UBE2D3: variants seen among roughly 807,000 people sequenced by gnomAD.
The protein encoded by UBE2D3 is ubiquitin-conjugating enzyme E2 D3.
A neutral mutation model predicts 22.8 loss-of-function variants in UBE2D3; 2 were observed. That is an observed-to-expected ratio of 0.09 (90% confidence interval 0.04 to 0.28). The LOEUF is 0.28. Among genes scored for constraint, UBE2D3 ranks in the 10% least tolerant of loss-of-function variants. The pLI, the probability that UBE2D3 is intolerant of heterozygous loss-of-function variation, is 1.00. For synonymous variants in UBE2D3, 56 were observed against 60.4 expected (o/e 0.93, Z 0.34); for missense variants, 27 against 182.5 (o/e 0.15, Z 4.91).
chr4:102,867,952 ATG>A (rs1733231886), intron 1 of UBE2D3, among the ~76,000 whole-genome samples: 1 of 151,984 alleles, frequency 6.6e-6, no homozygotes, highest in Non-Finnish European at 1.5e-5. Context: ...TAGTGTATTT[ATG>A]TGTGGCCCAA....
At chr4:102,829,240 G>C (rs895304471), upstream of UBE2D3, among the ~76,000 whole-genome samples, 5 of 152,122 alleles carry the variant, frequency 3.3e-5, no homozygotes, top group African/African-American at 1.2e-4. Context: ...GATTTTTCTC[G>C]TCTGAACCAC....
chr4:102,856,244 T>C (rs1044944314), intron 1 of UBE2D3, among the ~76,000 whole-genome samples: 6 of 152,186 alleles, frequency 3.9e-5, no homozygotes, highest in African/African-American at 1.4e-4. Context: ...CGCAAGCCTG[T>C]GATCCCAGCT....
chr4:102,811,784 A>C, intron 2 of UBE2D3: 1 of 449,336 alleles, frequency 2.2e-6, no homozygotes, highest in Non-Finnish European at 4.4e-6. Context: ...AGAGAAGCAG[A>C]GGCGAGAGGA....
chr4:102,811,628 C>A, intron 2 of UBE2D3: 1 of 311,490 alleles, frequency 3.2e-6, no homozygotes, highest in Non-Finnish European at 6.2e-6. Context: ...CTGCAGATCG[C>A]GCCACTGCAC....
intron 1 of UBE2D3, chr4:102,837,027 G>A (rs1046463588): frequency 2.0e-5 from 3 of 152,208 alleles, no homozygotes; most frequent in Non-Finnish European, 4.4e-5. Flanking sequence ...ATAAATCTGA[G>A]TACTAGGTCA....
At chr4:102,840,705 G>A (rs223369) in intron 1 of UBE2D3, among the ~76,000 whole-genome samples, 49,448 of 152,086 alleles carry the variant, frequency 0.33, 9,360 homozygotes, top group African/African-American at 0.54. Flanking sequence ...GTATTTTAAA[G>A]TAGCTAGGAG....
chr4:102,800,910 A>G (rs1726052403), intron 6 of UBE2D3, among the ~76,000 whole-genome samples: 1 of 152,054 alleles, frequency 6.6e-6, no homozygotes, highest in Admixed American at 6.6e-5. Context: ...AACGTAACAG[A>G]TACCTATTAA....
intron 1 of UBE2D3, chr4:102,868,677 G>C: frequency 6.2e-7 from 1 of 1,613,828 alleles, no homozygotes; most frequent in East Asian, 2.2e-5. Flanking sequence ...GAAGAGGCGG[G>C]GCGAGAGGGG....
At chr4:102,827,734 CCTT>C (rs1730814837), upstream of UBE2D3, 2 of 985,984 alleles carry the variant, frequency 2.0e-6, no homozygotes, top group South Asian at 9.4e-5. Flanking sequence ...CGGAACAGCA[CCTT>C]CTTACTAAAC....
At chr4:102,811,015 A>G (rs1227994057) in intron 2 of UBE2D3, 1 of 152,178 alleles carries the variant, frequency 6.6e-6, no homozygotes, top group Admixed American at 6.5e-5. Context: ...TCATATAAAC[A>G]CGGAAATAAC....
intron 1 of UBE2D3, 147 bp from the exon 2 acceptor site, chr4:102,826,783 A>T: frequency 1.6e-6 from 2 of 1,269,966 alleles, no homozygotes; most frequent in Non-Finnish European, 2.0e-6. Context: ...TTTCGGCCCG[A>T]AGTGGGGGCG....
chr4:102,821,237 CATT>C (rs148957770), intron 2 of UBE2D3, among the ~76,000 whole-genome samples: 2,468 of 152,118 alleles, frequency 0.016, 64 homozygotes, highest in African/African-American at 0.054. Context: ...GGAATTAAGT[CATT>C]ATAATAAAAG....
At chr4:102,802,944 AATC>A (rs1448156284) in intron 4 of UBE2D3, among the ~76,000 whole-genome samples, 9 of 152,318 alleles carry the variant, frequency 5.9e-5, no homozygotes, top group East Asian at 1.9e-4. Context: ...AAGCCTACAT[AATC>A]ATGTTTCAGA....
chr4:102,828,014 T>G (rs1730858372), upstream of UBE2D3: 1 of 985,322 alleles, frequency 1.0e-6, no homozygotes, highest in Admixed American at 6.1e-5. Context: ...CTGCAATGAC[T>G]TAAGAGCAGT....
At chr4:102,847,524 T>G (rs1324484395) in intron 1 of UBE2D3, among the ~76,000 whole-genome samples, 1 of 151,996 alleles carries the variant, frequency 6.6e-6, no homozygotes, top group Non-Finnish European at 1.5e-5. Context: ...TGGCCTCAAG[T>G]GATCTACCCA....
In UBE2D3 at chr4:102,795,777, AAGC is replaced by A. The variant is rs1725211898; in HGVS notation, c.*1635_*1637del. 1 of 152,078 alleles carries A rather than the reference AAGC, an allele frequency of 6.6e-6. No individual in the cohort carries two copies. Among genetic ancestry groups the A allele is most frequent in the Non-Finnish European group, 1.5e-5 (1 of 67,918 alleles). 9.4% of individuals were successfully genotyped at this position (152,078 alleles called of 1,614,324 possible). ...AAGGAATAAGATTGCACGTAAGTGT[AAGC>A]AGTGCAAAAATGTGGAAGTGGAGGA... On this transcript the variant is annotated 3_prime_UTR_variant, in exon 8 of 8. Coordinates refer to ENST00000453744, the MANE Select transcript of UBE2D3 (RefSeq NM_181891.3).
chr4:102,814,547 C>T (rs1560859809), intron 2 of UBE2D3, among the ~76,000 whole-genome samples: 1 of 151,142 alleles, frequency 6.6e-6, no homozygotes, highest in East Asian at 1.9e-4. Context: ...AAGTGATCCG[C>T]CTGCCTCGGC....
At chr4:102,860,121 A>ATTCCTCATTTAGGTGGAACACATCCT (rs1553967954) in intron 1 of UBE2D3, among the ~76,000 whole-genome samples, 2 of 152,116 alleles carry the variant, frequency 1.3e-5, no homozygotes, top group Non-Finnish European at 1.5e-5. Flanking sequence ...CACTGGGATT[A>ATTCCTCATTTAGGTGGAACACATCCT]CAGGCGTGAG....
intron 2 of UBE2D3, among the ~76,000 whole-genome samples, chr4:102,820,063 G>C (rs1159277191): frequency 6.6e-6 from 1 of 152,146 alleles, no homozygotes; most frequent in Admixed American, 6.5e-5. Context: ...GGGAGTAAGT[G>C]CCTTAAGAAA....
Sources: allele counts gnomAD v4.1 joint callset (sites outside exome capture counted in the v4.1 genomes callset), GRCh38; gene constraint gnomAD v4.1.1; transcripts MANE v1.5; gene names NCBI Gene and HGNC (gene_info 2026-07-23, HGNC 2026-07-21).